The following ZFAND3 variants were observed in gnomAD, a reference collection of about 807,000 sequenced individuals.
ZFAND3 encodes zinc finger AN1-type containing 3, also known as AN1-type zinc finger protein 3.
A neutral mutation model predicts 29.6 loss-of-function variants in ZFAND3; 10 were observed. The observed-to-expected ratio is 0.34, with a 90% CI of 0.21 to 0.57. The LOEUF (loss-of-function observed/expected upper bound fraction) is 0.57. Among genes scored for constraint, ZFAND3 ranks in the 20% least tolerant of loss-of-function variants. The probability of loss-of-function intolerance (pLI) is 0.86; values close to 1 mark genes in which losing one functional copy is unlikely to be tolerated. For missense variants in ZFAND3, 230 were observed against 304.5 expected (o/e 0.76, Z 1.82); for synonymous variants, 128 against 112.6 (o/e 1.14, Z -0.87).
chr6:37,944,092 A>G (rs746569306), intron 2 of ZFAND3, among the ~76,000 whole-genome samples: 1 of 152,200 alleles, frequency 6.6e-6, no homozygotes, highest in Non-Finnish European at 1.5e-5. Context: ...TAGAGTTGAT[A>G]CAGTTGTCAA....
At chr6:38,044,147 T>A (rs1225884084) in intron 2 of ZFAND3, among the ~76,000 whole-genome samples, 1 of 152,212 alleles carries the variant, frequency 6.6e-6, no homozygotes, top group African/African-American at 2.4e-5. Context: ...AAGTCTTTAA[T>A]CTGTTCTTCT....
intron 2 of ZFAND3, among the ~76,000 whole-genome samples, chr6:38,011,016 C>T (rs1763141900): frequency 6.6e-6 from 1 of 151,554 alleles, no homozygotes; most frequent in Non-Finnish European, 1.5e-5. Flanking sequence ...GTAGCTGGCA[C>T]TTACAGGTGC....
intron 2 of ZFAND3, among the ~76,000 whole-genome samples, chr6:37,942,306 C>T (rs1164083782): frequency 1.3e-5 from 2 of 151,710 alleles, no homozygotes; most frequent in Non-Finnish European, 2.9e-5. Flanking sequence ...TAAAGTTTAC[C>T]TCCATAAAAT....
At chr6:37,936,267 C>G (rs1324508708) in intron 2 of ZFAND3, among the ~76,000 whole-genome samples, 1 of 152,194 alleles carries the variant, frequency 6.6e-6, no homozygotes, top group Non-Finnish European at 1.5e-5. Flanking sequence ...GTGACACCAT[C>G]TCTATCCCCC....
intron 2 of ZFAND3, among the ~76,000 whole-genome samples, chr6:37,980,691 G>A (rs1405085304): frequency 6.6e-6 from 1 of 152,098 alleles, no homozygotes; most frequent in African/African-American, 2.4e-5. Flanking sequence ...TGCCCTATTA[G>A]CAAGAATATA....
Position 37,933,948 on chromosome 6 carries a change from C to T in ZFAND3, c.112+3949C>T, listed in dbSNP as rs576328242. On this transcript the variant is annotated intron_variant, in intron 2 of 5. Coordinates refer to ENST00000287218, the MANE Select transcript of ZFAND3 (RefSeq NM_021943.3). Reference sequence around the variant, plus strand: ...TGTTGCCCAGGCTGGAGTGCAGTGGCGCGATCTCTGCTTACCGCAACCTCC... The same window carrying T: ...TGTTGCCCAGGCTGGAGTGCAGTGGTGCGATCTCTGCTTACCGCAACCTCC... 6.6e-5 allele frequency among the ~76,000 whole-genome samples: 9 copies of T among 136,522 alleles called. No individual in the cohort carries two copies. The East Asian group carries it at 1.1e-3, about 17-fold the overall frequency. The allele number at this position is 136,522 out of a possible 152,430, so 89.6% of individuals were successfully genotyped here.
intron 5 of ZFAND3, among the ~76,000 whole-genome samples, chr6:38,151,239 G>C (rs1474487138): frequency 1.3e-5 from 2 of 152,152 alleles, no homozygotes; most frequent in African/African-American, 4.8e-5. Context: ...GACTTTACCT[G>C]TACCGGCTCC....
chr6:37,870,762 CA>C (rs752238406), intron 1 of ZFAND3, among the ~76,000 whole-genome samples: 23 of 152,134 alleles, frequency 1.5e-4, no homozygotes, highest in Non-Finnish European at 3.4e-4. Context: ...TAGCTCACTG[CA>C]GCCTCAAACC....
chr6:38,042,748 T>A (rs1763816519), intron 2 of ZFAND3, among the ~76,000 whole-genome samples: 1 of 152,224 alleles, frequency 6.6e-6, no homozygotes, highest in African/African-American at 2.4e-5. Context: ...AGTTCACAAC[T>A]ATCTGAATGG....
intron 2 of ZFAND3, among the ~76,000 whole-genome samples, chr6:38,057,243 C>T (rs575939790): frequency 1.3e-5 from 2 of 152,178 alleles, no homozygotes; most frequent in South Asian, 4.1e-4. Context: ...AGGCTCTGTG[C>T]CTCATATTTT....
At chr6:38,150,928 C>T (rs1766208350) in intron 5 of ZFAND3, among the ~76,000 whole-genome samples, 1 of 152,138 alleles carries the variant, frequency 6.6e-6, no homozygotes, top group Admixed American at 6.5e-5. Flanking sequence ...CTGATCCAGG[C>T]CCACGGGGCC....
At chr6:38,060,518 C>T (rs1358598789) in intron 2 of ZFAND3, among the ~76,000 whole-genome samples, 1 of 151,018 alleles carries the variant, frequency 6.6e-6, no homozygotes, top group African/African-American at 2.4e-5. Flanking sequence ...CTTGCCCTGC[C>T]CTTTCCCCTT....
At chr6:38,017,438 A>G (rs938036749) in intron 2 of ZFAND3, among the ~76,000 whole-genome samples, 1 of 152,146 alleles carries the variant, frequency 6.6e-6, no homozygotes, top group African/African-American at 2.4e-5. Flanking sequence ...TGAGCCATGC[A>G]TTTCTGAGGT....
intron 2 of ZFAND3, among the ~76,000 whole-genome samples, chr6:38,025,980 TG>T (rs1763439556): frequency 1.3e-5 from 2 of 152,124 alleles, no homozygotes; most frequent in African/African-American, 2.4e-5. Context: ...CACAACTCTG[TG>T]AATATACTCT....
chr6:38,033,372 G>A (rs1581855942), intron 2 of ZFAND3, among the ~76,000 whole-genome samples: 2 of 152,042 alleles, frequency 1.3e-5, no homozygotes, highest in Non-Finnish European at 2.9e-5. Flanking sequence ...TGTAAATCAA[G>A]TTGAAATGTT....
At chr6:38,050,611 C>T (rs968261505) in intron 2 of ZFAND3, among the ~76,000 whole-genome samples, 4 of 152,138 alleles carry the variant, frequency 2.6e-5, no homozygotes, top group African/African-American at 9.7e-5. Flanking sequence ...TTTGCTTCCC[C>T]TTCTGCCATG....
intron 2 of ZFAND3, among the ~76,000 whole-genome samples, chr6:37,938,318 G>A (rs190455671): frequency 1.6e-3 from 237 of 152,272 alleles, no homozygotes; most frequent in Non-Finnish European, 2.6e-3. Context: ...TTGTGCCAGT[G>A]AAAATACTAA....
intron 2 of ZFAND3, among the ~76,000 whole-genome samples, chr6:37,999,439 A>T (rs1407237059): frequency 1.3e-5 from 2 of 152,186 alleles, no homozygotes; most frequent in Non-Finnish European, 2.9e-5. Context: ...AAGTGTGGAA[A>T]GGGAGGGAAA....
chr6:37,911,225 G>A (rs146772104), intron 1 of ZFAND3, among the ~76,000 whole-genome samples: 1 of 152,202 alleles, frequency 6.6e-6, no homozygotes, highest in African/African-American at 2.4e-5. Flanking sequence ...TTGGATCATG[G>A]CCATCTAACA....
Sources: gnomAD v4.1 joint callset for allele counts (sites outside exome capture counted in the v4.1 genomes callset) on GRCh38, gnomAD v4.1.1 for gene constraint, MANE v1.5 for transcripts, NCBI Gene and HGNC (gene_info 2026-07-23, HGNC 2026-07-21) for gene names.